FAAH2: variants seen among roughly 807,000 people sequenced by gnomAD.
FAAH2 encodes the protein fatty-acid amide hydrolase 2.
A neutral mutation model predicts 36.9 loss-of-function variants in FAAH2; 60 were observed. The ratio of observed to expected loss-of-function variants is 1.63; its 90% CI spans 1.32 to 2.02. The LOEUF (loss-of-function observed/expected upper bound fraction) is 2.02, where lower values mean the gene tolerates loss of function less well. Among genes scored for constraint, FAAH2 ranks in the 30% most tolerant of loss-of-function variants. The probability of loss-of-function intolerance (pLI) is 0.00; values close to 1 mark genes in which losing one functional copy is unlikely to be tolerated. For missense variants in FAAH2, 689 were observed against 397.5 expected (o/e 1.73, Z -6.23); for synonymous variants, 214 against 143.8 (o/e 1.49, Z -3.49).
intron 10 of FAAH2, among the ~76,000 whole-genome samples, chrX:57,464,687 TAAC>T (rs1267035601): frequency 9.1e-6 from 1 of 110,148 alleles, no homozygotes; most frequent in Non-Finnish European, 1.9e-5. Context: ...ACAAAAAACT[TAAC>T]AAATCAACGT....
chrX:57,399,328 T>C (rs1407053464), intron 7 of FAAH2, among the ~76,000 whole-genome samples: 2 of 111,751 alleles, frequency 1.8e-5, no homozygotes, highest in Non-Finnish European at 3.8e-5. Context: ...ATCTGATGGG[T>C]GCTATCAATG....
intron 6 of FAAH2, among the ~76,000 whole-genome samples, chrX:57,380,054 A>C (rs1204863741): frequency 9.0e-6 from 1 of 111,033 alleles, no homozygotes; most frequent in East Asian, 2.8e-4. Context: ...AATGCATAAT[A>C]ATCGCTTCAT....
At chrX:57,372,204 G>C (rs2054569646) in intron 5 of FAAH2, among the ~76,000 whole-genome samples, 1 of 111,428 alleles carries the variant, frequency 9.0e-6, no homozygotes, top group East Asian at 2.8e-4. Flanking sequence ...CTATTTTTTA[G>C]TTATTTGAGT....
rs1009979366 is a variant in FAAH2 at position 57,381,647 on chromosome X, C to A, written c.996+618C>A. Reference sequence around the variant, plus strand: ...GCTAACTACCCTAAATATATATGCACCCAATACAGGAGCACCCAGATTCAT... The same window carrying A: ...GCTAACTACCCTAAATATATATGCAACCAATACAGGAGCACCCAGATTCAT... On this transcript the variant is annotated intron_variant, in intron 7 of 10. Transcript: ENST00000374900. The A allele has an allele frequency of 2.7e-5, 7 of 256,521 alleles. No individual in the cohort carries two copies. The East Asian group carries it at 1.4e-3, about 51-fold the overall frequency. The allele number at this position is 256,521 out of a possible 1,213,427, so 21.1% of individuals were successfully genotyped here. A position where few individuals can be genotyped will look rare whatever the true frequency, so the allele number is the denominator to read the frequency against.
At chrX:57,265,436 G>T in the FAAH2 span, among the ~76,000 whole-genome samples, 1 of 111,844 alleles carries the variant, frequency 8.9e-6, no homozygotes, top group African/African-American at 3.2e-5. Flanking sequence ...CTGTGATGGA[G>T]TTCCTAGGGG....
At chrX:57,153,242 A>C in the FAAH2 span, among the ~76,000 whole-genome samples, 1 of 111,554 alleles carries the variant, frequency 9.0e-6, no homozygotes, top group Non-Finnish European at 1.9e-5. Context: ...CCTTTACCTT[A>C]AGTTTATGTG....
chrX:57,287,916 T>C (rs1311987544), intron 1 of FAAH2, among the ~76,000 whole-genome samples: 1 of 111,395 alleles, frequency 9.0e-6, no homozygotes, highest in African/African-American at 3.3e-5. Flanking sequence ...TATTAATATT[T>C]GTATTGTACT....
chrX:57,308,343 A>T (rs1047780242), intron 2 of FAAH2, among the ~76,000 whole-genome samples: 1 of 111,477 alleles, frequency 9.0e-6, no homozygotes, highest in Non-Finnish European at 1.9e-5. Context: ...GTGAGAGGAT[A>T]TCTAATTGTG....
chrX:57,135,283 T>A, the FAAH2 span: 7 of 132,192 alleles, frequency 5.3e-5, no homozygotes, highest in South Asian at 1.6e-3. Flanking sequence ...TCCTCTCTAC[T>A]CAGTTTATTC....
At chrX:57,213,125 T>G in the FAAH2 span, among the ~76,000 whole-genome samples, 6 of 111,735 alleles carry the variant, frequency 5.4e-5, no homozygotes, top group African/African-American at 1.9e-4. Context: ...CATATACTGG[T>G]TCATAAAAGT....
At chrX:57,381,167 T>C in intron 7 of FAAH2, 138 bp downstream of exon 7, 2 of 412,866 alleles carry the variant, frequency 4.8e-6, no homozygotes, top group South Asian at 1.0e-4. Context: ...TACTAAGGAA[T>C]TTTGGATGTA....
Position 57,448,590 on chromosome X carries a change from A to G in FAAH2, c.1295A>G (p.Glu432Gly), listed in dbSNP as rs1448958252. 1 of 1,209,909 alleles carries G rather than the reference A, an allele frequency of 8.3e-7. No homozygotes were observed. Among genetic ancestry groups the G allele is most frequent in the Non-Finnish European group, 1.1e-6 (1 of 895,216 alleles). ...NEKYQKFKAV[E>G]ESLRKELVDM... ...AAATACCAAAAGTTTAAGGCAGTGG[A>G]AGAAAGCCTGCGTAAAGAGCTGGTG... Residue 432 changes from glutamate (E) to glycine (G), a missense_variant, in exon 10 of 11, where the codon GAA (glutamate) becomes GGA (glycine). Physicochemically the swap from Glu to Gly is moderately conservative, Grantham distance 98. Transcript: ENST00000374900.
the FAAH2 span, among the ~76,000 whole-genome samples, chrX:57,255,495 T>A: frequency 8.9e-6 from 1 of 111,746 alleles, no homozygotes; most frequent in Non-Finnish European, 1.9e-5. Context: ...TAGGCCAATA[T>A]CCCTGATGAA....
At chrX:57,144,329 CT>C in the FAAH2 span, among the ~76,000 whole-genome samples, 1 of 102,443 alleles carries the variant, frequency 9.8e-6, no homozygotes, top group Non-Finnish European at 2.0e-5. Context: ...CTTTAACATT[CT>C]TGTATTTGGA....
intron 5 of FAAH2, among the ~76,000 whole-genome samples, chrX:57,378,404 A>G (rs1014272389): frequency 9.0e-6 from 1 of 111,294 alleles, no homozygotes; most frequent in African/African-American, 3.3e-5. Flanking sequence ...CCCTGTTTCC[A>G]TCAGAGTAGC....
At chrX:57,275,933 G>C in the FAAH2 span, among the ~76,000 whole-genome samples, 1 of 111,535 alleles carries the variant, frequency 9.0e-6, no homozygotes, top group East Asian at 2.8e-4. Context: ...CAAGTCCTTA[G>C]ATACCTACAA....
the FAAH2 span, among the ~76,000 whole-genome samples, chrX:57,243,445 C>T: frequency 8.9e-6 from 1 of 112,258 alleles, no homozygotes; most frequent in African/African-American, 3.2e-5. Flanking sequence ...CCCATGCCTC[C>T]TGACTGTGAG....
intron 10 of FAAH2, among the ~76,000 whole-genome samples, chrX:57,463,930 T>C (rs1443128996): frequency 8.9e-6 from 1 of 111,773 alleles, no homozygotes; most frequent in Middle Eastern, 4.2e-3. Flanking sequence ...TACAAATCAT[T>C]CTACTATAAA....
intron 7 of FAAH2, among the ~76,000 whole-genome samples, chrX:57,396,921 G>C (rs1047086705): frequency 1.8e-5 from 2 of 111,520 alleles, no homozygotes; most frequent in Non-Finnish European, 3.8e-5. Flanking sequence ...GTCTAGTATT[G>C]TCAGTGAGTT....
Sources: gnomAD v4.1 joint callset for allele counts (sites outside exome capture counted in the v4.1 genomes callset) on GRCh38, gnomAD v4.1.1 for gene constraint, MANE v1.5 for transcripts, NCBI Gene and HGNC (gene_info 2026-07-23, HGNC 2026-07-21) for gene names.